Variants in TIAM2 observed in about 807,000 individuals in gnomAD.
TIAM2 encodes the protein TIAM Rac1 associated GEF 2.
Under a neutral mutation model 152.9 loss-of-function variants are expected in TIAM2, and 80 were observed. That is an observed-to-expected ratio of 0.52 (90% CI 0.44 to 0.63). TIAM2 has a LOEUF of 0.63. Among genes scored for constraint, TIAM2 ranks in the 30% least tolerant of loss-of-function variants. TIAM2 has a pLI of 0.00. For missense variants in TIAM2, 1,965 were observed against 2,120.1 expected, an observed-to-expected ratio of 0.93 and a Z score of 1.44; for synonymous variants, 804 against 838.0, an observed-to-expected ratio of 0.96 and a Z score of 0.70.
chr6:155,245,034 G>A (rs574883104), intron 18 of TIAM2, among the ~76,000 whole-genome samples: 6 of 152,274 alleles, frequency 3.9e-5, no homozygotes, highest in African/African-American at 7.2e-5. Flanking sequence ...TGTTGACCAC[G>A]TACGTGCTCT....
At chr6:155,249,786 TTACTGTTG>T in intron 20 of TIAM2, 57 bp from the exon 21 acceptor site, 9 of 1,367,712 alleles carry the variant, frequency 6.6e-6, no homozygotes, top group Non-Finnish European at 9.1e-6. Flanking sequence ...CCATTCATTA[TTACTGTTG>T]GATAGAATCT....
chr6:155,244,924 G>T, intron 18 of TIAM2, 141 bp downstream of exon 18: 1 of 1,081,696 alleles, frequency 9.2e-7, no homozygotes, highest in Non-Finnish European at 1.2e-6. Flanking sequence ...TCCTTGCACC[G>T]TTTTCCTCTG....
chr6:155,164,329 TCAAG>T, intron 7 of TIAM2, 82 bp from the exon 8 acceptor site: 1 of 1,336,460 alleles, frequency 7.5e-7, no homozygotes, highest in Non-Finnish European at 1.0e-6. Flanking sequence ...AATTTTTTCT[TCAAG>T]TTTGTGAAAG....
chr6:155,116,498 G>A (rs1309394526), intron 2 of TIAM2, among the ~76,000 whole-genome samples: 1 of 152,208 alleles, frequency 6.6e-6, no homozygotes, highest in African/African-American at 2.4e-5. Context: ...TGTGGTTTAA[G>A]CCCCGTTCAT....
rs55990592 is a variant in TIAM2 at position 155,066,766 on chromosome 6, G to GT, written c.-208-23516dup. Reference sequence around the variant, plus strand: ...TGATTACAAGTTTGTTTGTTTGTTTGTTTTTTTGAGACTGAGTCTCGCTCT... The same window carrying GT: ...TGATTACAAGTTTGTTTGTTTGTTTGTTTTTTTTGAGACTGAGTCTCGCTCT... On this transcript the variant is annotated intron_variant, in intron 1 of 26. Transcript: ENST00000682666. 3.3e-5 allele frequency among the ~76,000 whole-genome samples: 5 copies of GT among 151,662 alleles called. No homozygotes were observed. In the Middle Eastern group the frequency reaches 0.01, roughly 310 times the overall value.
chr6:155,134,687 T>G (rs1779519110), intron 4 of TIAM2, among the ~76,000 whole-genome samples: 1 of 152,028 alleles, frequency 6.6e-6, no homozygotes, highest in Non-Finnish European at 1.5e-5. Flanking sequence ...TCTTCACCTT[T>G]TAGGAGTTTT....
intron 4 of TIAM2, among the ~76,000 whole-genome samples, chr6:155,133,366 A>AC (rs1326949057): frequency 6.6e-6 from 1 of 152,164 alleles, no homozygotes; most frequent in African/African-American, 2.4e-5. Context: ...AACAACAACA[A>AC]AACAGCAACA....
At chr6:155,040,841 G>A (rs1777012867) in intron 1 of TIAM2, among the ~76,000 whole-genome samples, 1 of 151,956 alleles carries the variant, frequency 6.6e-6, no homozygotes. Flanking sequence ...CTTTGTTTTG[G>A]TAGGAAAAAA....
intron 9 of TIAM2, among the ~76,000 whole-genome samples, chr6:155,167,957 T>A (rs919857546): frequency 6.6e-6 from 1 of 152,230 alleles, no homozygotes; most frequent in African/African-American, 2.4e-5. Context: ...CTAATATGGT[T>A]TTTACCCAGC....
rs538904345 is a variant in TIAM2 at position 155,091,077 on chromosome 6, TA to T, written c.-118+700del. ...CAGATGAACATAACCTTCCCAGGCA[TA>T]ACCTTCTGCTGTTTGATTTAGATTG... On this transcript the variant is annotated intron_variant, in intron 2 of 26. Coordinates refer to ENST00000682666, the MANE Select transcript of TIAM2 (RefSeq NM_012454.4). Among the ~76,000 whole-genome samples, 6 of 152,288 alleles carry T rather than the reference TA, an allele frequency of 3.9e-5. No individual in the cohort carries two copies. In the East Asian group the frequency reaches 1.2e-3, roughly 29 times the overall value.
In TIAM2 at chr6:155,058,500, A is replaced by G. The variant is rs374596180; in HGVS notation, c.-208-31789A>G. Among the ~76,000 whole-genome samples the G allele has an allele frequency of 6.7e-4, 102 of 152,360 alleles. No individual in the cohort carries two copies. In the South Asian group the frequency reaches 0.018, roughly 28 times the overall value. On this transcript the variant is annotated intron_variant, in intron 1 of 26. Transcript: ENST00000682666. ...GTGCTATACAAAGCACTGAAATAAA[A>G]GAGCCCTTGACGTTAATAAAAATGA...
At chr6:155,190,113 C>T (rs1781160597) in intron 14 of TIAM2, among the ~76,000 whole-genome samples, 1 of 152,228 alleles carries the variant, frequency 6.6e-6, no homozygotes, top group South Asian at 2.1e-4. Context: ...AATTAACTAA[C>T]TAATGAATAT....
At chr6:155,063,577 G>A (rs889809680) in intron 1 of TIAM2, among the ~76,000 whole-genome samples, 2 of 151,896 alleles carry the variant, frequency 1.3e-5, no homozygotes, top group Non-Finnish European at 2.9e-5. Context: ...AGGTCAAGAG[G>A]TCAAGACCAT....
chr6:155,072,107 A>G (rs954624171), intron 1 of TIAM2, among the ~76,000 whole-genome samples: 3 of 151,406 alleles, frequency 2.0e-5, no homozygotes, highest in South Asian at 4.1e-4. Context: ...AGGAATTTAC[A>G]TTGGTGGCTG....
chr6:155,244,930 C>G, intron 18 of TIAM2, 147 bp downstream of exon 18: 1 of 1,062,434 alleles, frequency 9.4e-7, no homozygotes, highest in Non-Finnish European at 1.3e-6. Context: ...CACCGTTTTC[C>G]TCTGTCAGGT....
At chr6:155,193,315 G>A (rs1270570977) in intron 14 of TIAM2, among the ~76,000 whole-genome samples, 1 of 152,124 alleles carries the variant, frequency 6.6e-6, no homozygotes, top group East Asian at 1.9e-4. Flanking sequence ...GAGGTGGGAG[G>A]ATTGCTTGAG....
chr6:155,082,606 T>C (rs7763198), intron 1 of TIAM2, among the ~76,000 whole-genome samples: 69,036 of 151,016 alleles, frequency 0.46, 16,076 homozygotes, highest in Middle Eastern at 0.51. Context: ...GCCAAGATTG[T>C]ACCATTGCAC....
chr6:155,179,938 G>A (rs76024689), intron 12 of TIAM2, among the ~76,000 whole-genome samples: 19,071 of 152,136 alleles, frequency 0.13, 1,317 homozygotes, highest in Middle Eastern at 0.17. Context: ...TGAAGAAGCC[G>A]TGTCTGATTG....
intron 14 of TIAM2, among the ~76,000 whole-genome samples, chr6:155,197,855 G>A (rs1781384272): frequency 6.6e-6 from 1 of 152,178 alleles, no homozygotes; most frequent in Admixed American, 6.5e-5. Flanking sequence ...GACAGGTGGG[G>A]ATTATGGGAA....
Sources: allele counts gnomAD v4.1 joint callset (sites outside exome capture counted in the v4.1 genomes callset), GRCh38; gene constraint gnomAD v4.1.1; transcripts MANE v1.5; gene names NCBI Gene and HGNC (gene_info 2026-07-23, HGNC 2026-07-21).